The following RUNX1 variants were observed in gnomAD, a reference collection of about 807,000 sequenced individuals.
RUNX1 encodes the protein RUNX family transcription factor 1.
In RUNX1, 19 loss-of-function variants were observed where a neutral mutation model predicts 42.8. That is an observed-to-expected ratio of 0.44 (90% CI 0.31 to 0.65). RUNX1 has a LOEUF of 0.65. RUNX1 is among the 30% of genes least tolerant of loss of function. The probability of loss-of-function intolerance (pLI) is 0.07; values close to 1 mark genes in which losing one functional copy is unlikely to be tolerated. For synonymous variants in RUNX1, 271 were observed against 289.4 expected, an observed-to-expected ratio of 0.94 and a Z score of 0.64; for missense variants, 528 against 672.0, an observed-to-expected ratio of 0.79 and a Z score of 2.37.
In RUNX1 at chr21:34,792,405, C is replaced by A. The variant is rs1365932898; in HGVS notation, c.1173G>T (p.Ala391=). The change falls in exon 9 of 9, where the codon GCG becomes GCT. Residue 391 remains alanine (A), a synonymous_variant. Transcript: ENST00000675419. This position sits in a 1 kb window ranked among gnomAD's most constrained non-coding sequence, Gnocchi z 6.9. ...LPPPYPGSSQ[A]QGGPFQASSP... is the part of the protein sequence containing the mutation. ...AGCTGGCTTGGAACGGGCCTCCCTG[C>A]GCTTGCGACGAGCCGGGGTAGGGCG... The A allele has an allele frequency of 6.4e-7, 1 of 1,566,616 alleles. No homozygotes were observed.
intron 2 of RUNX1, among the ~76,000 whole-genome samples, chr21:34,933,266 T>C (rs1007105406): frequency 2.0e-5 from 3 of 152,172 alleles, no homozygotes; most frequent in Admixed American, 2.0e-4. Flanking sequence ...AGTGCATGAG[T>C]ACTGTGAGAT....
At chr21:34,859,615 T>C (rs372659156) in intron 5 of RUNX1, 37 bp from the exon 6 acceptor site, 45 of 1,499,194 alleles carry the variant, frequency 3.0e-5, no homozygotes, top group African/African-American at 1.9e-4. Flanking sequence ...CAGAATGAGG[T>C]TGGTGGCCTG....
intron 6 of RUNX1, among the ~76,000 whole-genome samples, chr21:34,841,016 G>T (rs1011161020): frequency 6.6e-6 from 1 of 152,210 alleles, no homozygotes; most frequent in Non-Finnish European, 1.5e-5. Context: ...CTAGGAAGTT[G>T]TCAGAGGCTG....
At chr21:34,976,144 T>A (rs1482133343) in intron 2 of RUNX1, among the ~76,000 whole-genome samples, 4 of 150,732 alleles carry the variant, frequency 2.7e-5, no homozygotes, top group Non-Finnish European at 5.9e-5. Flanking sequence ...AAAAAAAAAA[T>A]TACAGAAGAA....
At chr21:34,858,725 G>A (rs972299897) in intron 6 of RUNX1, among the ~76,000 whole-genome samples, 7 of 152,168 alleles carry the variant, frequency 4.6e-5, no homozygotes, top group African/African-American at 1.7e-4. Context: ...CAGTTCCACA[G>A]ACCTGGAACT....
intron 2 of RUNX1, 98 bp from the exon 3 acceptor site, chr21:34,893,061 T>C: frequency 1.4e-6 from 1 of 736,570 alleles, no homozygotes; most frequent in Non-Finnish European, 2.4e-6. Context: ...CTTCTTACAC[T>C]TTTTAGCACT....
chr21:35,038,490 C>T, intron 2 of RUNX1: 1 of 455,048 alleles, frequency 2.2e-6, no homozygotes, highest in Non-Finnish European at 4.4e-6. Flanking sequence ...TCTGCTACAC[C>T]TAGAGAAAGC....
intron 5 of RUNX1, among the ~76,000 whole-genome samples, chr21:34,876,283 CTTAA>C (rs1465556759): frequency 6.6e-6 from 1 of 152,230 alleles, no homozygotes; most frequent in Non-Finnish European, 1.5e-5. Context: ...GATCTACTTT[CTTAA>C]TTAGACAAAC....
At chr21:34,878,053 G>A (rs1314848466) in intron 5 of RUNX1, among the ~76,000 whole-genome samples, 1 of 151,688 alleles carries the variant, frequency 6.6e-6, no homozygotes, top group Non-Finnish European at 1.5e-5. Flanking sequence ...GTTGTCTTAA[G>A]ATCACTTAAT....
At chr21:35,024,905 A>G (rs1430075056) in intron 2 of RUNX1, among the ~76,000 whole-genome samples, 3 of 152,246 alleles carry the variant, frequency 2.0e-5, no homozygotes, top group African/African-American at 4.8e-5. Context: ...GCCAGAAGGC[A>G]TTTAAGATCA....
At chr21:34,936,210 C>T (rs1418439059) in intron 2 of RUNX1, among the ~76,000 whole-genome samples, 1 of 151,904 alleles carries the variant, frequency 6.6e-6, no homozygotes, top group Non-Finnish European at 1.5e-5. Context: ...AAGACACAAG[C>T]TGCCATGTTC....
intron 2 of RUNX1, among the ~76,000 whole-genome samples, chr21:34,895,968 G>C: frequency 7.2e-6 from 1 of 139,766 alleles, no homozygotes; most frequent in East Asian, 2.0e-4. Context: ...ATGAGGATCT[G>C]GATTAAGCAA....
At chr21:34,926,831 G>A (rs1316487333) in intron 2 of RUNX1, among the ~76,000 whole-genome samples, 6 of 138,894 alleles carry the variant, frequency 4.3e-5, no homozygotes, top group Non-Finnish European at 4.8e-5. Flanking sequence ...AGATAAAACA[G>A]ACATTCCCTA....
chr21:35,013,225 C>T (rs2059137965), intron 2 of RUNX1, among the ~76,000 whole-genome samples: 1 of 152,128 alleles, frequency 6.6e-6, no homozygotes, highest in Non-Finnish European at 1.5e-5. Flanking sequence ...TATTGGGGGT[C>T]TATAGATTTA....
intron 6 of RUNX1, among the ~76,000 whole-genome samples, chr21:34,841,954 G>C (rs1273941461): frequency 6.6e-6 from 1 of 152,136 alleles, no homozygotes; most frequent in Non-Finnish European, 1.5e-5. Context: ...GCACAGCCAT[G>C]TCTCCAGCAC....
At chr21:34,836,348 T>C (rs538344941) in intron 6 of RUNX1, among the ~76,000 whole-genome samples, 5 of 152,348 alleles carry the variant, frequency 3.3e-5, no homozygotes, top group Admixed American at 3.3e-4. Flanking sequence ...CCATCATCCC[T>C]TTCCCTCAGA....
chr21:34,799,074 G>A (rs2056570943), intron 8 of RUNX1, among the ~76,000 whole-genome samples: 1 of 152,202 alleles, frequency 6.6e-6, no homozygotes, highest in African/African-American at 2.4e-5. Flanking sequence ...AACTTTAGAT[G>A]TCTAAGGAAC....
intron 5 of RUNX1, among the ~76,000 whole-genome samples, chr21:34,878,359 AAAT>A (rs1351963613): frequency 2.7e-4 from 39 of 144,372 alleles, no homozygotes; most frequent in African/African-American, 7.2e-4. Context: ...AAAAAAAAAA[AAAT>A]ATATATATAT....
At chr21:34,852,275 A>G (rs2057433323) in intron 6 of RUNX1, among the ~76,000 whole-genome samples, 2 of 152,180 alleles carry the variant, frequency 1.3e-5, no homozygotes, top group South Asian at 4.1e-4. Context: ...AGGCCACGCC[A>G]GCTCACTCAG....
Sources: gnomAD v4.1 joint callset for allele counts (sites outside exome capture counted in the v4.1 genomes callset) on GRCh38, gnomAD v4.1.1 for gene constraint, Gnocchi (gnomAD v3.1) non-coding constraint, MANE v1.5 for transcripts, NCBI Gene and HGNC (gene_info 2026-07-23, HGNC 2026-07-21) for gene names.